The following OCA2 variants were observed in gnomAD, a reference collection of about 807,000 sequenced individuals.
OCA2 encodes the protein P protein.
OCA2 carries 77 observed loss-of-function variants against 100.2 expected under a neutral mutation model. The ratio of observed to expected loss-of-function variants is 0.77; its 90% CI spans 0.64 to 0.93. The LOEUF is 0.93. OCA2 is among the 40% of genes least tolerant of loss of function. OCA2 has a pLI of 0.00. For missense variants in OCA2, 1,062 were observed against 1,089.1 expected (o/e 0.98, Z 0.35); for synonymous variants, 432 against 439.2 (o/e 0.98, Z 0.21).
chr15:28,074,305 G>A (rs892559811), intron 2 of OCA2, among the ~76,000 whole-genome samples: 2 of 152,110 alleles, frequency 1.3e-5, no homozygotes, highest in African/African-American at 2.4e-5. Flanking sequence ...TTGGGAGGCC[G>A]AGGTGGGTGG....
At chr15:27,870,810 A>AAGAAAG (rs372518302) in intron 21 of OCA2, among the ~76,000 whole-genome samples, 9,865 of 88,196 alleles carry the variant, frequency 0.11, 1,166 homozygotes, top group African/African-American at 0.27. Context: ...GAAAGAAAGA[A>AAGAAAG]AGAGAGAGAG....
intron 18 of OCA2, among the ~76,000 whole-genome samples, chr15:27,930,076 G>A (rs1163019741): frequency 2.0e-5 from 3 of 152,076 alleles, no homozygotes; most frequent in Non-Finnish European, 2.9e-5. Flanking sequence ...AAAACAGCGT[G>A]GCAGTTTTTA....
intron 19 of OCA2, among the ~76,000 whole-genome samples, chr15:27,901,208 A>C (rs2140176532): frequency 6.6e-6 from 1 of 152,320 alleles, no homozygotes; most frequent in South Asian, 2.1e-4. Context: ...GGACTGGACA[A>C]ACGATGTTTT....
chr15:27,724,948 T>G, the OCA2 span, among the ~76,000 whole-genome samples: 1 of 152,144 alleles, frequency 6.6e-6, no homozygotes, highest in Non-Finnish European at 1.5e-5. Flanking sequence ...CCTAGAGTTC[T>G]GTGAAAAAGT....
chr15:28,001,498 G>A (rs1163518779), intron 9 of OCA2, among the ~76,000 whole-genome samples: 1 of 152,200 alleles, frequency 6.6e-6, no homozygotes, highest in Non-Finnish European at 1.5e-5. Context: ...GCTGGGCACT[G>A]GGGCAGTGTG....
Position 27,955,187 on chromosome 15 carries a change from C to G in OCA2, c.1813G>C (p.Glu605Gln), listed in dbSNP as rs764677895. 2 of 1,612,636 alleles carry G rather than the reference C, an allele frequency of 1.2e-6. No homozygotes were observed. The highest frequency in any genetic ancestry group is 1.7e-6 in the Non-Finnish European group (2 of 1,178,616). Residue 605 changes from glutamate (E) to glutamine (Q), a missense_variant, in exon 17 of 24, where the codon GAG (glutamate) becomes CAG (glutamine). Coordinates refer to ENST00000354638, the MANE Select transcript of OCA2 (RefSeq NM_000275.3). ...RQISQEDKNW[E>Q]TNIQELQKKH... ...TTTTGGAGTTCTTGGATATTGGTCT[C>G]CCAATTTTTGTCCTCCTGTGAGATC...
At chr15:27,976,864 A>G (rs1489424694) in intron 14 of OCA2, among the ~76,000 whole-genome samples, 1 of 152,178 alleles carries the variant, frequency 6.6e-6, no homozygotes, top group African/African-American at 2.4e-5. Context: ...CAAAGAAGCT[A>G]TCTTAGCCTG....
chr15:27,821,439 T>C (rs2034497448), intron 23 of OCA2, among the ~76,000 whole-genome samples: 2 of 152,110 alleles, frequency 1.3e-5, no homozygotes, highest in South Asian at 4.1e-4. Context: ...CGTGTGAACA[T>C]GAAAACACAT....
chr15:28,022,217 A>G (rs147542028), intron 6 of OCA2, among the ~76,000 whole-genome samples: 1 of 152,142 alleles, frequency 6.6e-6, no homozygotes, highest in Non-Finnish European at 1.5e-5. Flanking sequence ...GGAGGAAAGG[A>G]GTATCGGGGA....
At chr15:27,931,772 T>C (rs552149713) in intron 18 of OCA2, among the ~76,000 whole-genome samples, 1 of 152,364 alleles carries the variant, frequency 6.6e-6, no homozygotes, top group East Asian at 1.9e-4. Flanking sequence ...TTGAATACGA[T>C]GTATAGAATT....
At chr15:27,912,437 G>C (rs533485994) in intron 19 of OCA2, among the ~76,000 whole-genome samples, 1 of 152,018 alleles carries the variant, frequency 6.6e-6, no homozygotes, top group Non-Finnish European at 1.5e-5. Context: ...AATTGATGAG[G>C]ATGTGTCTAA....
chr15:27,777,842 A>C (rs2032323683), intron 23 of OCA2, among the ~76,000 whole-genome samples: 1 of 152,132 alleles, frequency 6.6e-6, no homozygotes. Flanking sequence ...TGACTGCCTT[A>C]TTATTTGCTG....
intron 23 of OCA2, among the ~76,000 whole-genome samples, chr15:27,788,717 T>C (rs1249757435): frequency 6.6e-6 from 1 of 152,128 alleles, no homozygotes; most frequent in Admixed American, 6.5e-5. Flanking sequence ...TTCAATGTAA[T>C]TGTTTATGTG....
chr15:27,877,524 T>G (rs1309402218), intron 19 of OCA2, among the ~76,000 whole-genome samples: 1 of 152,028 alleles, frequency 6.6e-6, no homozygotes, highest in Non-Finnish European at 1.5e-5. Context: ...AATTGTTATA[T>G]CTTCCTTATA....
At chr15:27,915,844 T>C (rs1175453770) in intron 19 of OCA2, among the ~76,000 whole-genome samples, 1 of 152,120 alleles carries the variant, frequency 6.6e-6, no homozygotes, top group Non-Finnish European at 1.5e-5. Flanking sequence ...CTCATTACTG[T>C]ATATGTACCC....
intron 23 of OCA2, among the ~76,000 whole-genome samples, chr15:27,766,489 A>G (rs945276968): frequency 6.6e-6 from 1 of 152,100 alleles, no homozygotes; most frequent in African/African-American, 2.4e-5. Context: ...CTGAGTTGGA[A>G]CCTGTGTCCT....
chr15:27,887,816 T>C (rs1397884483), intron 19 of OCA2, among the ~76,000 whole-genome samples: 1 of 151,100 alleles, frequency 6.6e-6, no homozygotes, highest in Non-Finnish European at 1.5e-5. Context: ...CTCCCTTGGA[T>C]GAAACAATAC....
At chr15:28,011,509 C>A (rs1414348102) in intron 9 of OCA2, among the ~76,000 whole-genome samples, 1 of 151,294 alleles carries the variant, frequency 6.6e-6, no homozygotes, top group African/African-American at 2.4e-5. Context: ...CAAAATAGAT[C>A]CTGGTCTTAA....
At chr15:27,796,323 G>A (rs1024404884) in intron 23 of OCA2, among the ~76,000 whole-genome samples, 4 of 152,286 alleles carry the variant, frequency 2.6e-5, no homozygotes, top group Admixed American at 2.0e-4. Flanking sequence ...GACGACCCCA[G>A]TCTGGCCTCT....
Sources: gnomAD v4.1 joint callset for allele counts (sites outside exome capture counted in the v4.1 genomes callset) on GRCh38, gnomAD v4.1.1 for gene constraint, MANE v1.5 for transcripts, NCBI Gene and HGNC (gene_info 2026-07-23, HGNC 2026-07-21) for gene names.